Variants in ADAMTS3 observed in about 807,000 individuals in gnomAD.
The protein encoded by ADAMTS3 is ADAM metallopeptidase with thrombospondin type 1 motif 3.
In ADAMTS3, 73 loss-of-function variants were observed where a neutral mutation model predicts 129.0. The ratio of observed to expected loss-of-function variants is 0.57; its 90% CI spans 0.47 to 0.69. The LOEUF is 0.69. Ranked by LOEUF, ADAMTS3 falls within the 30% of genes least tolerant of loss-of-function variation. ADAMTS3 has a pLI of 0.00. For synonymous variants in ADAMTS3, 477 were observed against 510.8 expected (o/e 0.93, Z 0.89); for missense variants, 1,457 against 1,514.5 (o/e 0.96, Z 0.63).
intron 2 of ADAMTS3, among the ~76,000 whole-genome samples, chr4:72,555,675 A>G (rs1175993988): frequency 6.6e-6 from 1 of 151,864 alleles, no homozygotes; most frequent in East Asian, 1.9e-4. Flanking sequence ...AACTATGTTT[A>G]AATGGCTTGG....
At chr4:72,500,384 A>AT (rs1037628071) in intron 3 of ADAMTS3, among the ~76,000 whole-genome samples, 9 of 151,914 alleles carry the variant, frequency 5.9e-5, no homozygotes, top group African/African-American at 2.2e-4. Flanking sequence ...GATATTGAGC[A>AT]TTTTTTCACG....
intron 3 of ADAMTS3, among the ~76,000 whole-genome samples, chr4:72,487,501 T>A (rs936309311): frequency 8.5e-5 from 13 of 152,086 alleles, no homozygotes; most frequent in African/African-American, 3.1e-4. Flanking sequence ...CAGATGCCCA[T>A]CTCTGTCTGC....
intron 3 of ADAMTS3, among the ~76,000 whole-genome samples, chr4:72,430,445 C>A (rs1722669909): frequency 6.6e-6 from 1 of 151,926 alleles, no homozygotes. Flanking sequence ...CAACTCAGCC[C>A]AGGCACCAGA....
At chr4:72,341,447 C>T (rs973352638) in intron 4 of ADAMTS3, among the ~76,000 whole-genome samples, 3 of 152,048 alleles carry the variant, frequency 2.0e-5, no homozygotes, top group African/African-American at 2.4e-5. Context: ...AGCTGCAAAC[C>T]CTCACTGAGG....
intron 14 of ADAMTS3, 84 bp from the exon 15 acceptor site, chr4:72,309,604 C>A: frequency 6.8e-7 from 1 of 1,479,416 alleles, no homozygotes; most frequent in South Asian, 1.4e-5. Context: ...ACCCTTTGTT[C>A]AGTCATGGCC....
At chr4:72,342,874 T>C (rs1720175247) in intron 4 of ADAMTS3, among the ~76,000 whole-genome samples, 1 of 152,294 alleles carries the variant, frequency 6.6e-6, no homozygotes, top group African/African-American at 2.4e-5. Flanking sequence ...CATCGTTGTC[T>C]GGGGTAAAGA....
intron 3 of ADAMTS3, among the ~76,000 whole-genome samples, chr4:72,422,432 AT>A (rs1026704521): frequency 4.6e-5 from 7 of 151,892 alleles, no homozygotes; most frequent in South Asian, 2.1e-4. Flanking sequence ...TTTAACACTA[AT>A]TTTTTTTAAA....
At chr4:72,542,598 A>G (rs2109780530) in intron 3 of ADAMTS3, among the ~76,000 whole-genome samples, 1 of 152,298 alleles carries the variant, frequency 6.6e-6, no homozygotes, top group East Asian at 1.9e-4. Context: ...ACTTCTTTTT[A>G]TAGTTTTTCT....
At chr4:72,461,296 G>C (rs976811383) in intron 3 of ADAMTS3, among the ~76,000 whole-genome samples, 1 of 151,720 alleles carries the variant, frequency 6.6e-6, no homozygotes, top group African/African-American at 2.4e-5. Flanking sequence ...AAGAAATAGA[G>C]TGGAATCATG....
chr4:72,466,780 A>G (rs576169564), intron 3 of ADAMTS3, among the ~76,000 whole-genome samples: 20 of 152,034 alleles, frequency 1.3e-4, no homozygotes, highest in South Asian at 1.2e-3. Context: ...CATCGCTTCA[A>G]CTGTACTATA....
intron 3 of ADAMTS3, among the ~76,000 whole-genome samples, chr4:72,479,845 C>A (rs1028328833): frequency 3.9e-5 from 6 of 152,132 alleles, no homozygotes; most frequent in Non-Finnish European, 8.8e-5. Context: ...AACAAATTTA[C>A]AAGAAACAAA....
At chr4:72,343,674 G>A (rs1720197922) in intron 4 of ADAMTS3, among the ~76,000 whole-genome samples, 1 of 152,100 alleles carries the variant, frequency 6.6e-6, no homozygotes, top group Admixed American at 6.5e-5. Context: ...AGTGATTTAT[G>A]TGACAACAGA....
intron 3 of ADAMTS3, among the ~76,000 whole-genome samples, chr4:72,481,786 A>C (rs1719443278): frequency 2.6e-5 from 4 of 152,258 alleles, no homozygotes; most frequent in Admixed American, 2.6e-4. Flanking sequence ...TATCTGACAA[A>C]GGAAAATTTT....
chr4:72,313,575 C>G, intron 12 of ADAMTS3, 102 bp downstream of exon 12: 1 of 1,241,768 alleles, frequency 8.1e-7, no homozygotes, highest in Non-Finnish European at 1.1e-6. Flanking sequence ...TTTTCCTGCC[C>G]TGTGTTTTAC....
At chr4:72,470,392 C>T (rs1719040178) in intron 3 of ADAMTS3, among the ~76,000 whole-genome samples, 2 of 142,802 alleles carry the variant, frequency 1.4e-5, no homozygotes, top group African/African-American at 2.6e-5. Flanking sequence ...CACACACACA[C>T]ACACACACAC....
At chr4:72,446,681 C>A (rs375248592) in intron 3 of ADAMTS3, among the ~76,000 whole-genome samples, 4 of 151,772 alleles carry the variant, frequency 2.6e-5, no homozygotes, top group East Asian at 2.0e-4. Flanking sequence ...TAATATGAGG[C>A]CTTACAAACT....
chr4:72,323,635 G>A (rs1281564683), intron 5 of ADAMTS3, among the ~76,000 whole-genome samples: 1 of 152,146 alleles, frequency 6.6e-6, no homozygotes, highest in Non-Finnish European at 1.5e-5. Context: ...ATGACTGCTT[G>A]AAAGTCCTAC....
chr4:72,538,262 A>G (rs1477112621), intron 3 of ADAMTS3, among the ~76,000 whole-genome samples: 1 of 152,228 alleles, frequency 6.6e-6, no homozygotes, highest in African/African-American at 2.4e-5. Context: ...TTGATGAAAG[A>G]CATAAGTATA....
chr4:72,349,820 ATGT>A (rs1720381528), intron 4 of ADAMTS3, among the ~76,000 whole-genome samples: 1 of 152,032 alleles, frequency 6.6e-6, no homozygotes, highest in Non-Finnish European at 1.5e-5. Flanking sequence ...ATTAAAATGT[ATGT>A]TATTATCGCA....
Sources: allele counts gnomAD v4.1 joint callset (sites outside exome capture counted in the v4.1 genomes callset), GRCh38; gene constraint gnomAD v4.1.1; transcripts MANE v1.5; gene names NCBI Gene and HGNC (gene_info 2026-07-23, HGNC 2026-07-21).